Variants in WASF2 observed in about 807,000 individuals in gnomAD.
WASF2 encodes the protein actin-binding protein WASF2.
In WASF2, 14 loss-of-function variants were observed where a neutral mutation model predicts 45.0. The observed-to-expected ratio is 0.31, with a 90% CI of 0.21 to 0.49. The LOEUF (loss-of-function observed/expected upper bound fraction) is 0.49. Among genes scored for constraint, WASF2 ranks in the 20% least tolerant of loss-of-function variants. WASF2 has a pLI of 0.99. For missense variants in WASF2, 439 were observed against 636.1 expected, an observed-to-expected ratio of 0.69 and a Z score of 3.33; for synonymous variants, 200 against 236.3, an observed-to-expected ratio of 0.85 and a Z score of 1.41.
chr1:27,485,444 TAAAAG>T (rs926416371), intron 1 of WASF2, among the ~76,000 whole-genome samples: 2 of 151,386 alleles, frequency 1.3e-5, no homozygotes, highest in Admixed American at 6.6e-5. Context: ...AAAAAGAAAA[TAAAAG>T]AAATAAAATT....
rs529764348 is a variant in WASF2, at chr1:27,486,947, C to T, written c.-44+3039G>A. Among the ~76,000 whole-genome samples, 221 of 147,440 alleles carry T rather than the reference C, an allele frequency of 1.5e-3. 1 individual carries two copies. Among genetic ancestry groups the T allele is most frequent in the African/African-American group, 5.0e-3 (203 of 40,552 alleles). The stretch of plus-strand genomic sequence containing the variant: ...TATAGATTATATTTTACATATATAA[C>T]TCATACATTATAGATGATATATATT... On this transcript the variant is annotated intron_variant, in intron 1 of 8. Transcript: ENST00000618852.
intron 1 of WASF2, among the ~76,000 whole-genome samples, chr1:27,434,086 G>A (rs754592538): frequency 1.3e-5 from 2 of 152,194 alleles, no homozygotes; most frequent in Non-Finnish European, 2.9e-5. Flanking sequence ...GAACTGCTGA[G>A]AATATAAAAG....
chr1:27,412,051 C>T (rs1286547993), intron 7 of WASF2, among the ~76,000 whole-genome samples: 2 of 152,152 alleles, frequency 1.3e-5, no homozygotes, highest in African/African-American at 4.8e-5. Context: ...CCCCTCTGTG[C>T]CTCAGTTTAC....
At chr1:27,472,386 C>T (rs961180230) in intron 1 of WASF2, among the ~76,000 whole-genome samples, 1 of 151,050 alleles carries the variant, frequency 6.6e-6, no homozygotes, top group Non-Finnish European at 1.5e-5. Context: ...GTGATCCTAG[C>T]ACTTTGGGAG....
At chr1:27,418,145 A>G in intron 4 of WASF2, 124 bp downstream of exon 4, 1 of 1,144,502 alleles carries the variant, frequency 8.7e-7, no homozygotes, top group Non-Finnish European at 1.2e-6. Flanking sequence ...AAACTACCAC[A>G]ACTTTGGGGT....
intron 1 of WASF2, among the ~76,000 whole-genome samples, chr1:27,450,471 G>C (rs914232115): frequency 7.9e-5 from 12 of 152,050 alleles, no homozygotes; most frequent in African/African-American, 2.7e-4. Context: ...CCACCAAGCT[G>C]TCTGCCTTTC....
At chr1:27,434,855 T>C (rs1275499892) in intron 1 of WASF2, among the ~76,000 whole-genome samples, 4 of 152,210 alleles carry the variant, frequency 2.6e-5, no homozygotes, top group African/African-American at 9.7e-5. Context: ...AGTGCCATGA[T>C]GGCATTCGTG....
intron 1 of WASF2, among the ~76,000 whole-genome samples, chr1:27,445,344 C>G (rs1011616353): frequency 5.9e-5 from 9 of 152,176 alleles, no homozygotes; most frequent in African/African-American, 2.2e-4. Flanking sequence ...AGCTTTCAAA[C>G]CCAGGTCCAA....
intron 1 of WASF2, among the ~76,000 whole-genome samples, chr1:27,448,138 T>C (rs2017334777): frequency 6.6e-6 from 1 of 152,234 alleles, no homozygotes; most frequent in Non-Finnish European, 1.5e-5. Flanking sequence ...TTTTTGAGCC[T>C]TAGGGGCGGG....
intron 1 of WASF2, among the ~76,000 whole-genome samples, chr1:27,478,789 G>C (rs2017806552): frequency 6.6e-6 from 1 of 151,790 alleles, no homozygotes; most frequent in Non-Finnish European, 1.5e-5. Context: ...TCTCCATGTT[G>C]GTCAGGCTGG....
chr1:27,458,581 G>T (rs1262641269), intron 1 of WASF2, among the ~76,000 whole-genome samples: 12 of 151,914 alleles, frequency 7.9e-5, no homozygotes, highest in African/African-American at 2.9e-4. Flanking sequence ...GATCACTTGA[G>T]GCCAGGAGTT....
intron 1 of WASF2, among the ~76,000 whole-genome samples, chr1:27,466,342 C>T (rs777734413): frequency 2.0e-5 from 3 of 152,118 alleles, no homozygotes; most frequent in South Asian, 2.1e-4. Context: ...TCCATGACCA[C>T]GTACAACAGA....
At chr1:27,441,915 A>G (rs2148119603) in intron 1 of WASF2, among the ~76,000 whole-genome samples, 1 of 139,410 alleles carries the variant, frequency 7.2e-6, no homozygotes, top group Non-Finnish European at 1.5e-5. Context: ...ACACAACGAG[A>G]CTCCATCTCA....
chr1:27,473,927 C>T (rs2017729077), intron 1 of WASF2, among the ~76,000 whole-genome samples: 1 of 152,208 alleles, frequency 6.6e-6, no homozygotes, highest in African/African-American at 2.4e-5. Flanking sequence ...CGCACCCACA[C>T]TCACTCAGAC....
intron 2 of WASF2, among the ~76,000 whole-genome samples, chr1:27,425,124 G>A (rs762757344): frequency 2.0e-5 from 3 of 151,984 alleles, no homozygotes; most frequent in South Asian, 2.1e-4. Flanking sequence ...ACAAGGTCTC[G>A]CCCTGTTGGC....
intron 1 of WASF2, among the ~76,000 whole-genome samples, chr1:27,438,593 A>G (rs1203218309): frequency 1.3e-5 from 2 of 152,250 alleles, no homozygotes; most frequent in Non-Finnish European, 2.9e-5. Context: ...GAGCAACAAC[A>G]AAAAGAAAAT....
intron 1 of WASF2, among the ~76,000 whole-genome samples, chr1:27,457,991 G>A (rs969597379): frequency 2.6e-5 from 4 of 151,994 alleles, no homozygotes; most frequent in African/African-American, 9.7e-5. Context: ...AGGAGATTGT[G>A]TCTTTTGCAC....
intron 3 of WASF2, 71 bp downstream of exon 3, chr1:27,418,880 TAAA>T: frequency 5.3e-6 from 8 of 1,501,082 alleles, no homozygotes; most frequent in South Asian, 1.3e-5. Context: ...TTTTTTTTTT[TAAA>T]TAAATCAGGG....
intron 1 of WASF2, among the ~76,000 whole-genome samples, chr1:27,447,759 T>C (rs1432329337): frequency 6.6e-6 from 1 of 152,204 alleles, no homozygotes; most frequent in Non-Finnish European, 1.5e-5. Context: ...AGTAATTTCA[T>C]AGGTAAAAGG....
Sources: gnomAD v4.1 joint callset for allele counts (sites outside exome capture counted in the v4.1 genomes callset) on GRCh38, gnomAD v4.1.1 for gene constraint, MANE v1.5 for transcripts, NCBI Gene and HGNC (gene_info 2026-07-23, HGNC 2026-07-21) for gene names.